The following NEGR1 variants were observed in gnomAD, a reference collection of about 807,000 sequenced individuals.
NEGR1 encodes IgLON family member 4.
A neutral mutation model predicts 40.9 loss-of-function variants in NEGR1; 10 were observed. The observed-to-expected ratio is 0.24, with a 90% CI of 0.15 to 0.42. The LOEUF (loss-of-function observed/expected upper bound fraction) is 0.42, where lower values mean the gene tolerates loss of function less well. NEGR1 is among the 10% of genes least tolerant of loss of function. NEGR1 has a pLI of 1.00. For missense variants in NEGR1, 352 were observed against 438.9 expected (o/e 0.80, Z 1.77); for synonymous variants, 185 against 166.8 (o/e 1.11, Z -0.84).
At chr1:71,509,425 T>C (rs1006936136) in intron 6 of NEGR1, among the ~76,000 whole-genome samples, 2 of 152,208 alleles carry the variant, frequency 1.3e-5, no homozygotes, top group African/African-American at 4.8e-5. Context: ...TCTTGACTTG[T>C]ACCCACATCC....
At chr1:71,502,909 C>T (rs986789123) in intron 6 of NEGR1, among the ~76,000 whole-genome samples, 4 of 152,070 alleles carry the variant, frequency 2.6e-5, no homozygotes, top group African/African-American at 4.8e-5. Context: ...ACAGAGGCAG[C>T]GATTCTTGGG....
At chr1:72,062,297 C>A (rs1364803519) in intron 1 of NEGR1, among the ~76,000 whole-genome samples, 1 of 151,844 alleles carries the variant, frequency 6.6e-6, no homozygotes, top group Admixed American at 6.6e-5. Context: ...TTCTTTGAAG[C>A]CTTCCAGAAT....
chr1:71,449,694 T>G (rs1646610995), intron 6 of NEGR1, among the ~76,000 whole-genome samples: 1 of 152,172 alleles, frequency 6.6e-6, no homozygotes, highest in African/African-American at 2.4e-5. Context: ...CTCAACAAGT[T>G]TTCAAAGAAA....
chr1:72,077,253 C>G (rs1647783700), intron 1 of NEGR1, among the ~76,000 whole-genome samples: 1 of 151,934 alleles, frequency 6.6e-6, no homozygotes, highest in Admixed American at 6.6e-5. Context: ...CCGGAGCACT[C>G]ATGTTGAACA....
chr1:72,130,470 A>G (rs1290517882), intron 1 of NEGR1, among the ~76,000 whole-genome samples: 1 of 152,202 alleles, frequency 6.6e-6, no homozygotes, highest in Non-Finnish European at 1.5e-5. Flanking sequence ...GAGGAAGCTG[A>G]AGCCCTCTGT....
chr1:72,223,540 G>T (rs1023284741), intron 1 of NEGR1, among the ~76,000 whole-genome samples: 1 of 152,126 alleles, frequency 6.6e-6, no homozygotes, highest in Non-Finnish European at 1.5e-5. Flanking sequence ...TTAAGTGGCC[G>T]TGACTATAAT....
chr1:72,114,384 G>A (rs1649501463), intron 1 of NEGR1, among the ~76,000 whole-genome samples: 1 of 151,524 alleles, frequency 6.6e-6, no homozygotes, highest in African/African-American at 2.4e-5. Context: ...TGTAGATATT[G>A]GACTGACCAA....
chr1:71,869,116 C>A (rs1327412954), intron 2 of NEGR1, among the ~76,000 whole-genome samples: 1 of 152,102 alleles, frequency 6.6e-6, no homozygotes, highest in East Asian at 1.9e-4. Flanking sequence ...TCTGTGAAGG[C>A]AGAATCCTTT....
chr1:71,786,505 T>C (rs1398572616), intron 2 of NEGR1, among the ~76,000 whole-genome samples: 1 of 152,156 alleles, frequency 6.6e-6, no homozygotes, highest in Non-Finnish European at 1.5e-5. Context: ...ACGGGAAACA[T>C]GTCTAAAAAA....
At position 71,697,974 on chromosome 1, in the gene NEGR1, A is replaced by G. The variant is rs760178310; in HGVS notation, c.667+34T>C. 1.9e-6 allele frequency: 3 copies of G among 1,586,420 alleles called. No homozygotes were observed. In the African/African-American group the frequency reaches 4.1e-5, roughly 22 times the overall value. On this transcript the variant is annotated intron_variant, in intron 4 of 6. Coordinates refer to ENST00000357731, the MANE Select transcript of NEGR1 (RefSeq NM_173808.3). ...TTTTCAAGGTGTTTTATCTTTTCTC[A>G]GAACTTATCTTGATAAAAGGTGATG...
At chr1:71,548,864 TTTGTAGAG>T (rs1647985036) in intron 6 of NEGR1, among the ~76,000 whole-genome samples, 1 of 151,712 alleles carries the variant, frequency 6.6e-6, no homozygotes, top group Non-Finnish European at 1.5e-5. Context: ...TATTTGCGAC[TTTGTAGAG>T]CTGAATAACA....
At chr1:71,701,755 A>G (rs1463837916) in intron 3 of NEGR1, among the ~76,000 whole-genome samples, 1 of 152,120 alleles carries the variant, frequency 6.6e-6, no homozygotes, top group Non-Finnish European at 1.5e-5. Context: ...TAATTTAATT[A>G]TAATATTTTT....
intron 1 of NEGR1, among the ~76,000 whole-genome samples, chr1:71,967,050 T>C (rs1413726790): frequency 1.3e-5 from 2 of 152,168 alleles, no homozygotes; most frequent in Admixed American, 1.3e-4. Flanking sequence ...ATTAGCTACA[T>C]TTGTTTCCAT....
At chr1:72,105,569 T>C (rs978859863) in intron 1 of NEGR1, among the ~76,000 whole-genome samples, 2 of 151,496 alleles carry the variant, frequency 1.3e-5, no homozygotes, top group Admixed American at 6.6e-5. Context: ...AATAAATAAA[T>C]AGAAAGATTT....
intron 1 of NEGR1, among the ~76,000 whole-genome samples, chr1:72,028,401 A>C (rs200086853): frequency 6.6e-6 from 1 of 152,232 alleles, no homozygotes; most frequent in African/African-American, 2.4e-5. Flanking sequence ...ATAGGCATAC[A>C]TAGAACACAC....
chr1:71,877,247 TAGA>T (rs1181813564), intron 2 of NEGR1, among the ~76,000 whole-genome samples: 1 of 152,150 alleles, frequency 6.6e-6, no homozygotes, highest in Non-Finnish European at 1.5e-5. Flanking sequence ...TGTATGGCCT[TAGA>T]AGAAGGAGTA....
intron 2 of NEGR1, among the ~76,000 whole-genome samples, chr1:71,804,179 G>A (rs972875803): frequency 2.0e-5 from 3 of 152,120 alleles, no homozygotes; most frequent in Non-Finnish European, 2.9e-5. Context: ...ATTTGGAGAT[G>A]ATTGCTAGGA....
chr1:71,865,937 T>C (rs550401093), intron 2 of NEGR1, among the ~76,000 whole-genome samples: 25 of 152,302 alleles, frequency 1.6e-4, no homozygotes, highest in African/African-American at 5.5e-4. Flanking sequence ...CATATACATC[T>C]TAGACATGTC....
At chr1:72,217,585 C>A (rs184516520) in intron 1 of NEGR1, among the ~76,000 whole-genome samples, 1 of 151,664 alleles carries the variant, frequency 6.6e-6, no homozygotes, top group Non-Finnish European at 1.5e-5. Flanking sequence ...ACAGTTACCA[C>A]AAAATGTGAA....
Sources: allele counts gnomAD v4.1 joint callset (sites outside exome capture counted in the v4.1 genomes callset), GRCh38; gene constraint gnomAD v4.1.1; transcripts MANE v1.5; gene names NCBI Gene and HGNC (gene_info 2026-07-23, HGNC 2026-07-21).